SLC35D2: variants seen among roughly 807,000 people sequenced by gnomAD.
SLC35D2 encodes the protein solute carrier family 35 member D2, also known as nucleotide sugar transporter SLC35D2.
Under a neutral mutation model 41.8 loss-of-function variants are expected in SLC35D2, and 43 were observed. The ratio of observed to expected loss-of-function variants is 1.03; its 90% CI spans 0.81 to 1.33. The LOEUF (loss-of-function observed/expected upper bound fraction) is 1.33. SLC35D2 is among the 40% of genes most tolerant of loss of function. The probability of loss-of-function intolerance (pLI) is 0.00; values close to 1 mark genes in which losing one functional copy is unlikely to be tolerated. For synonymous variants in SLC35D2, 150 were observed against 163.9 expected (o/e 0.92, Z 0.65); for missense variants, 380 against 408.4 (o/e 0.93, Z 0.60).
At chr9:96,345,184 C>A in intron 7 of SLC35D2, 115 bp downstream of exon 7, 1 of 575,854 alleles carries the variant, frequency 1.7e-6, no homozygotes, top group Non-Finnish European at 3.0e-6. Flanking sequence ...AAGGAATTTA[C>A]AGGTCATATT....
At chr9:96,362,747 C>T (rs960466533) in intron 3 of SLC35D2, among the ~76,000 whole-genome samples, 1 of 152,084 alleles carries the variant, frequency 6.6e-6, no homozygotes, top group Non-Finnish European at 1.5e-5. Context: ...TTTAATTATA[C>T]TATACCACAA....
chr9:96,382,463 TTA>T (rs1308918832), intron 1 of SLC35D2, among the ~76,000 whole-genome samples: 8 of 102,226 alleles, frequency 7.8e-5, no homozygotes, highest in African/African-American at 2.7e-4. Flanking sequence ...CAAAAAAATA[TTA>T]TACACACACA....
At chr9:96,343,804 T>C in intron 8 of SLC35D2, 100 bp downstream of exon 8, 1 of 693,012 alleles carries the variant, frequency 1.4e-6, no homozygotes, top group Non-Finnish European at 2.3e-6. Context: ...CTGGTAGTCC[T>C]AGCTAACTTT....
chr9:96,356,059 C>T (rs1830007435), intron 4 of SLC35D2, among the ~76,000 whole-genome samples: 1 of 152,142 alleles, frequency 6.6e-6, no homozygotes, highest in Admixed American at 6.5e-5. Flanking sequence ...ATAGATTAAT[C>T]AACTGGGGCA....
downstream of SLC35D2, among the ~76,000 whole-genome samples, chr9:96,319,847 T>G (rs980542139): frequency 6.6e-6 from 1 of 152,234 alleles, no homozygotes; most frequent in African/African-American, 2.4e-5. Flanking sequence ...GCTCCAGATC[T>G]GGCTCAGCTT....
chr9:96,329,042 CG>C (rs1173076632), intron 9 of SLC35D2, among the ~76,000 whole-genome samples: 3 of 148,950 alleles, frequency 2.0e-5, no homozygotes, highest in Non-Finnish European at 1.5e-5. Context: ...GAGATGAAAT[CG>C]CGTCACTGCA....
chr9:96,379,026 G>A (rs193069521), intron 1 of SLC35D2, among the ~76,000 whole-genome samples: 2 of 152,108 alleles, frequency 1.3e-5, no homozygotes, highest in East Asian at 1.9e-4. Flanking sequence ...AGCCAGGCGC[G>A]GGGGCTCACA....
At chr9:96,317,627 A>T (rs7867826), downstream of SLC35D2, among the ~76,000 whole-genome samples, 2,823 of 152,258 alleles carry the variant, frequency 0.019, 60 homozygotes, top group South Asian at 0.073. Context: ...AGATTTTTTT[A>T]AAAAATTGGA....
rs1198054450 is a variant in SLC35D2 at position 96,360,632 on chromosome 9, A to C, written c.280-411T>G. 2.1e-5 allele frequency among the ~76,000 whole-genome samples: 3 copies of C among 143,188 alleles called. No homozygotes were observed. The East Asian group carries it at 8.9e-4, about 42-fold the overall frequency. The allele number at this position is 143,188 out of a possible 152,430, so 93.9% of individuals were successfully genotyped here. ...CAACAGAGCAAGACTTCATCTCAAAAAAAAAAAAAAAAAAAAAAAAAAGAA... is the reference window on the plus strand; with the variant it reads ...CAACAGAGCAAGACTTCATCTCAAACAAAAAAAAAAAAAAAAAAAAAAGAA... On this transcript the variant is annotated intron_variant, in intron 3 of 11. Transcript: ENST00000253270.
At chr9:96,325,120 A>G (rs1372157939) in intron 9 of SLC35D2, among the ~76,000 whole-genome samples, 1 of 152,236 alleles carries the variant, frequency 6.6e-6, no homozygotes, top group Non-Finnish European at 1.5e-5. Flanking sequence ...ACATGACCGT[A>G]GGTATTGATA....
rs1422734768 is a variant in SLC35D2, at chr9:96,321,979, A to G, written c.914+19T>C. 1.4e-6 allele frequency: 2 copies of G among 1,429,990 alleles called. No homozygotes were observed. Among genetic ancestry groups the G allele is most frequent in the East Asian group, 2.3e-5 (1 of 44,096 alleles). The allele number at this position is 1,429,990 out of a possible 1,614,324, so 88.6% of individuals were successfully genotyped here. A position where few individuals can be genotyped will look rare whatever the true frequency, so the allele number is the denominator to read the frequency against. On this transcript the variant is annotated intron_variant, in intron 11 of 11. Coordinates refer to ENST00000253270, the MANE Select transcript of SLC35D2 (RefSeq NM_007001.3). ...GTTCTTGTCTTCCCAAAGCGAGTCC[A>G]TTAAAAATTCCCACTCACCAAATAT...
intron 8 of SLC35D2, among the ~76,000 whole-genome samples, chr9:96,338,946 C>G (rs750723457): frequency 1.3e-5 from 2 of 152,258 alleles, no homozygotes; most frequent in African/African-American, 4.8e-5. Flanking sequence ...AGAAAAACAT[C>G]TATTCTCTCA....
At chr9:96,381,515 C>G (rs1831197883) in intron 1 of SLC35D2, among the ~76,000 whole-genome samples, 1 of 152,196 alleles carries the variant, frequency 6.6e-6, no homozygotes, top group Admixed American at 6.5e-5. Context: ...CCAATGCCAC[C>G]TCCTTCTGAG....
exon 12 of SLC35D2, chr9:96,314,841 G>A (rs1828012523): frequency 6.6e-6 from 1 of 152,194 alleles, no homozygotes; most frequent in Non-Finnish European, 1.5e-5. Flanking sequence ...CAGGAACCGA[G>A]AAGAGAATGA....
chr9:96,334,069 C>T (rs1828937502), intron 9 of SLC35D2, among the ~76,000 whole-genome samples: 1 of 152,136 alleles, frequency 6.6e-6, no homozygotes, highest in South Asian at 2.1e-4. Context: ...TAAACTTATG[C>T]TTCCAACAAT....
At chr9:96,328,207 A>G (rs1249696074) in intron 9 of SLC35D2, among the ~76,000 whole-genome samples, 4 of 151,252 alleles carry the variant, frequency 2.6e-5, no homozygotes, top group African/African-American at 9.8e-5. Flanking sequence ...AAGATATTTA[A>G]AAGTATTGCT....
At chr9:96,371,749 C>T (rs1393686002) in intron 1 of SLC35D2, among the ~76,000 whole-genome samples, 1 of 91,122 alleles carries the variant, frequency 1.1e-5, no homozygotes, top group African/African-American at 4.5e-5. Flanking sequence ...TTTTTTGAGA[C>T]GGAGTCTCGC....
downstream of SLC35D2, among the ~76,000 whole-genome samples, chr9:96,315,798 A>G (rs1317682600): frequency 6.6e-6 from 1 of 152,142 alleles, no homozygotes; most frequent in Non-Finnish European, 1.5e-5. Context: ...CCTTCTTTGA[A>G]TAATATTTTT....
intron 5 of SLC35D2, 50 bp from the exon 6 acceptor site, chr9:96,351,221 T>C (rs375168827): frequency 4.7e-6 from 6 of 1,265,488 alleles, no homozygotes; most frequent in East Asian, 4.7e-5. Context: ...GAGGAAAACA[T>C]TGAAATATGA....
Sources: allele counts gnomAD v4.1 joint callset (sites outside exome capture counted in the v4.1 genomes callset), GRCh38; gene constraint gnomAD v4.1.1; transcripts MANE v1.5; gene names NCBI Gene and HGNC (gene_info 2026-07-23, HGNC 2026-07-21).